Variants in JAKMIP1 observed in about 807,000 individuals in gnomAD.
JAKMIP1 encodes the protein janus kinase and microtubule-interacting protein 1.
Under a neutral mutation model 113.0 loss-of-function variants are expected in JAKMIP1, and 33 were observed. The observed-to-expected ratio is 0.29, with a 90% CI of 0.22 to 0.39. JAKMIP1 has a LOEUF of 0.39. Among genes scored for constraint, JAKMIP1 ranks in the 10% least tolerant of loss-of-function variants. The pLI is 1.00. For synonymous variants in JAKMIP1, 480 were observed against 459.9 expected (o/e 1.04, Z -0.56); for missense variants, 813 against 1,080.5 (o/e 0.75, Z 3.47).
rs553709246 is a variant in JAKMIP1, at chr4:6,153,579, A to C, written c.-147-40582T>G. 6.6e-6 allele frequency among the ~76,000 whole-genome samples: 1 copy of C among 152,324 alleles called. No homozygotes were observed. Among genetic ancestry groups the C allele is most frequent in the Admixed American group, 6.5e-5 (1 of 15,306 alleles). ...TGTAATTTGCGCTGTAAGAGGGTGCACCTCAGACAGCCCTGACAATCTGGA... is the reference window on the plus strand; with the variant it reads ...TGTAATTTGCGCTGTAAGAGGGTGCCCCTCAGACAGCCCTGACAATCTGGA... On this transcript the variant is annotated intron_variant, in intron 1 of 20. Transcript: ENST00000409021. The surrounding 1 kb of genome is among the most constrained non-coding windows in gnomAD (Gnocchi z 4.9).
At chr4:6,123,800 G>A (rs987351686) in intron 1 of JAKMIP1, among the ~76,000 whole-genome samples, 4 of 152,134 alleles carry the variant, frequency 2.6e-5, no homozygotes, top group Non-Finnish European at 5.9e-5. Flanking sequence ...CAGCCTGGGC[G>A]ACAGAGCAGT....
Position 6,080,165 on chromosome 4 carries a change from G to T in JAKMIP1, c.1242+7C>A. 1 of 1,599,854 alleles carries T rather than the reference G, an allele frequency of 6.3e-7. No individual in the cohort carries two copies. The highest frequency in any genetic ancestry group is 8.5e-7 in the Non-Finnish European group (1 of 1,173,144). On this transcript the variant is annotated splice_region_variant and intron_variant, in intron 7 of 20. Transcript: ENST00000409021. The surrounding 1 kb of genome is among the most constrained non-coding windows in gnomAD (Gnocchi z 6.0). Reference sequence around the variant, plus strand: ...AGGGGCAGCCGCGCCAGCTGTGCTAGATGTACCAGTGAGAGGTCGTCAATG... The same window carrying T: ...AGGGGCAGCCGCGCCAGCTGTGCTATATGTACCAGTGAGAGGTCGTCAATG...
At chr4:6,149,097 T>A (rs568069146) in intron 1 of JAKMIP1, among the ~76,000 whole-genome samples, 1 of 152,304 alleles carries the variant, frequency 6.6e-6, no homozygotes, top group East Asian at 1.9e-4. Flanking sequence ...TTGCACTGAC[T>A]TCGGCCACAG....
rs1188185956 is a variant in JAKMIP1 at position 6,156,383 on chromosome 4, C to T, written c.-147-43386G>A. On this transcript the variant is annotated intron_variant, in intron 1 of 20. Transcript: ENST00000409021. The surrounding 1 kb of genome is among the most constrained non-coding windows in gnomAD (Gnocchi z 5.0). ...CTTTAGTGGTACAAAAATAATGATGCATGTCCCAATTGACAGCAGCTTAGA... is the reference window on the plus strand; with the variant it reads ...CTTTAGTGGTACAAAAATAATGATGTATGTCCCAATTGACAGCAGCTTAGA... 6.6e-6 allele frequency among the ~76,000 whole-genome samples: 1 copy of T among 152,228 alleles called. No individual in the cohort carries two copies. The highest frequency in any genetic ancestry group is 1.5e-5 in the Non-Finnish European group (1 of 68,036).
At chr4:6,036,294 C>T (rs551316025) in intron 18 of JAKMIP1, among the ~76,000 whole-genome samples, 187 bp from the exon 19 acceptor site, 7 of 152,348 alleles carry the variant, frequency 4.6e-5, no homozygotes, top group South Asian at 2.1e-4. Flanking sequence ...AACTCGGCCC[C>T]GCACACTTGT....
chr4:6,118,813 C>G (rs187370066), intron 1 of JAKMIP1, among the ~76,000 whole-genome samples: 1 of 152,202 alleles, frequency 6.6e-6, no homozygotes, highest in Non-Finnish European at 1.5e-5. Context: ...ATCGTGGCCC[C>G]CAAAGAAATA....
rs1177863319 is a variant in JAKMIP1, at chr4:6,200,271, C to T, written c.-166G>A. On this transcript the variant is annotated 5_prime_UTR_variant, in exon 1 of 21. Coordinates refer to ENST00000409021, the MANE Select transcript of JAKMIP1 (RefSeq NM_001099433.2). The surrounding 1 kb of genome is among the most constrained non-coding windows in gnomAD (Gnocchi z 7.0). ...TACCCACCTGCTCGGCGCTCAGGCC[C>T]GAGCCGGGCAGCAGCAGCGGACGTA... 1 of 152,216 alleles carries T rather than the reference C, an allele frequency of 6.6e-6. No homozygotes were observed. The highest frequency in any genetic ancestry group is 1.5e-5 in the Non-Finnish European group (1 of 67,938). The allele number at this position is 152,216 out of a possible 1,614,324, so 9.4% of individuals were successfully genotyped here.
chr4:6,143,590 G>A lies in JAKMIP1; in HGVS notation c.-147-30593C>T, dbSNP rs943733609. 6.6e-6 allele frequency among the ~76,000 whole-genome samples: 1 copy of A among 152,126 alleles called. No homozygotes were observed. Among genetic ancestry groups the A allele is most frequent in the Non-Finnish European group, 1.5e-5 (1 of 68,022 alleles). On this transcript the variant is annotated intron_variant, in intron 1 of 20. Coordinates refer to ENST00000409021, the MANE Select transcript of JAKMIP1 (RefSeq NM_001099433.2). The surrounding 1 kb of genome is among the most constrained non-coding windows in gnomAD (Gnocchi z 4.9). ...TTTTTAAACTTTTCAGTTAATTTTG[G>A]CACCTCCCCTAGAACAGCAGTTCTC...
At position 6,129,018 on chromosome 4, in the gene JAKMIP1, T is replaced by C. The variant is rs563154784; in HGVS notation, c.-147-16021A>G. 2.6e-5 allele frequency among the ~76,000 whole-genome samples: 4 copies of C among 152,128 alleles called. No homozygotes were observed. Among genetic ancestry groups the C allele is most frequent in the African/African-American group, 7.2e-5 (3 of 41,520 alleles). On this transcript the variant is annotated intron_variant, in intron 1 of 20. Coordinates refer to ENST00000409021, the MANE Select transcript of JAKMIP1 (RefSeq NM_001099433.2). This position sits in a 1 kb window ranked among gnomAD's most constrained non-coding sequence, Gnocchi z 5.4. ...TCAGAGCTCCTTCCACACCATCAGGTTTAGTTGAATCTCCAGTACCAGGCA... is the reference window on the plus strand; with the variant it reads ...TCAGAGCTCCTTCCACACCATCAGGCTTAGTTGAATCTCCAGTACCAGGCA...
At chr4:6,126,492 A>C (rs183421435) in intron 1 of JAKMIP1, among the ~76,000 whole-genome samples, 1 of 137,252 alleles carries the variant, frequency 7.3e-6, no homozygotes, top group African/African-American at 2.8e-5. Context: ...GAAACACACA[A>C]ACACGCATCA....
intron 1 of JAKMIP1, among the ~76,000 whole-genome samples, chr4:6,144,925 G>C (rs1390960661): frequency 6.6e-6 from 1 of 152,110 alleles, no homozygotes; most frequent in Admixed American, 6.5e-5. Flanking sequence ...GATCAGAAAA[G>C]AATAAGTAAA....
rs1304252310 is a variant in JAKMIP1 at position 6,181,965 on chromosome 4, G to A, written c.-148+18288C>T. On this transcript the variant is annotated intron_variant, in intron 1 of 20. Transcript: ENST00000409021. The surrounding 1 kb of genome is among the most constrained non-coding windows in gnomAD (Gnocchi z 5.4). ...GTGCAGACAGGAGGAGGAGGGGTCTGGGCAAGTTCAGGGAAAGCAGACGAT... is the reference window on the plus strand; with the variant it reads ...GTGCAGACAGGAGGAGGAGGGGTCTAGGCAAGTTCAGGGAAAGCAGACGAT... Among the ~76,000 whole-genome samples the A allele has an allele frequency of 3.3e-5, 5 of 152,096 alleles. No individual in the cohort carries two copies. The highest frequency in any genetic ancestry group is 7.3e-5 in the Non-Finnish European group (5 of 68,034).
rs56832267 is a variant in JAKMIP1, at chr4:6,069,752, C to CAAAA, written c.1303-4748_1303-4745dup. Among the ~76,000 whole-genome samples, 8 of 125,106 alleles carry CAAAA rather than the reference C, an allele frequency of 6.4e-5. No individual in the cohort carries two copies. In the South Asian group the frequency reaches 2.1e-3, roughly 33 times the overall value. 82.1% of individuals were successfully genotyped at this position (125,106 alleles called of 152,430 possible). A position where few individuals can be genotyped will look rare whatever the true frequency, so the allele number is the denominator to read the frequency against. On this transcript the variant is annotated intron_variant, in intron 8 of 20. Coordinates refer to ENST00000409021, the MANE Select transcript of JAKMIP1 (RefSeq NM_001099433.2). This position sits in a 1 kb window ranked among gnomAD's most constrained non-coding sequence, Gnocchi z 4.5. ...TGGGTGACAGGGCAAGATCCTGTCT[C>CAAAA]AAAAAAAAAAAAAAAAAGATTCAGT...
chr4:6,085,002 C>T (rs199913348), intron 4 of JAKMIP1, 37 bp from the exon 5 acceptor site: 38 of 1,304,448 alleles, frequency 2.9e-5, no homozygotes, highest in African/African-American at 1.3e-4. Context: ...AAAGTCAAGA[C>T]GTAAATGTAC....
intron 1 of JAKMIP1, among the ~76,000 whole-genome samples, chr4:6,171,204 TCACCATCATCACCACCAC>T (rs1372845600): frequency 2.9e-5 from 4 of 138,880 alleles, no homozygotes; most frequent in African/African-American, 8.4e-5. Context: ...ATCACCACCA[TCACCATCATCACCACCAC>T]CACCATTCCC....
rs890618370 is a variant in JAKMIP1, at chr4:6,162,633, C to T, written c.-148+37620G>A. On this transcript the variant is annotated intron_variant, in intron 1 of 20. Transcript: ENST00000409021. This position sits in a 1 kb window ranked among gnomAD's most constrained non-coding sequence, Gnocchi z 5.6. ...TCAACCTGCCAAGCTCAGTGTGGCA[C>T]TGCCCATCTGTTAGCTCCTTAACTG... Among the ~76,000 whole-genome samples the T allele has an allele frequency of 7.2e-5, 11 of 152,216 alleles. No individual in the cohort carries two copies. Among genetic ancestry groups the T allele is most frequent in the African/African-American group, 2.7e-4 (11 of 41,458 alleles).
chr4:6,182,146 C>T (rs1726098017), intron 1 of JAKMIP1, among the ~76,000 whole-genome samples: 1 of 152,008 alleles, frequency 6.6e-6, no homozygotes, highest in Non-Finnish European at 1.5e-5. Context: ...GGCTCGGTGG[C>T]TCACACCTGT....
In JAKMIP1 at chr4:6,116,640, G is replaced by A. The variant is rs1394975783; in HGVS notation, c.-147-3643C>T. Among the ~76,000 whole-genome samples, 2 of 152,196 alleles carry A rather than the reference G, an allele frequency of 1.3e-5. No homozygotes were observed. The highest frequency in any genetic ancestry group is 4.8e-5 in the African/African-American group (2 of 41,436). On this transcript the variant is annotated intron_variant, in intron 1 of 20. Transcript: ENST00000409021. This position sits in a 1 kb window ranked among gnomAD's most constrained non-coding sequence, Gnocchi z 5.1. ...CCATCTCTGACATCACATGTCCCCT[G>A]TCCCAGCCTCCAAGTCGTTTGTCTG...
chr4:6,099,538 G>A (rs886245802), intron 3 of JAKMIP1, among the ~76,000 whole-genome samples: 5 of 151,290 alleles, frequency 3.3e-5, no homozygotes, highest in South Asian at 2.1e-4. Context: ...TGCATTTTAC[G>A]TCTGCATATG....
Sources: allele counts gnomAD v4.1 joint callset (sites outside exome capture counted in the v4.1 genomes callset), GRCh38; gene constraint gnomAD v4.1.1; non-coding constraint Gnocchi (gnomAD v3.1); transcripts MANE v1.5; gene names NCBI Gene and HGNC (gene_info 2026-07-23, HGNC 2026-07-21).